HDHD2: variants seen among roughly 807,000 people sequenced by gnomAD.
HDHD2 encodes the protein haloacid dehalogenase like hydrolase domain containing 2.
In HDHD2, 26 loss-of-function variants were observed where a neutral mutation model predicts 24.8. That is an observed-to-expected ratio of 1.05 (90% CI 0.77 to 1.45). The LOEUF (loss-of-function observed/expected upper bound fraction) is 1.45. Ranked by LOEUF, HDHD2 falls within the 40% of genes most tolerant of loss-of-function variation. The pLI, the probability that HDHD2 is intolerant of heterozygous loss-of-function variation, is 0.00. For missense variants in HDHD2, 299 were observed against 313.4 expected, an observed-to-expected ratio of 0.95 and a Z score of 0.35; for synonymous variants, 128 against 114.9, an observed-to-expected ratio of 1.11 and a Z score of -0.73.
At chr18:47,111,551 C>T (rs1330113676) in intron 6 of HDHD2, 1 of 985,266 alleles carries the variant, frequency 1.0e-6, no homozygotes, top group East Asian at 1.1e-4. Context: ...TCATTTCATT[C>T]TTCCTCTTTT....
At chr18:47,133,169 C>G (rs567192157) in intron 3 of HDHD2, among the ~76,000 whole-genome samples, 1 of 150,854 alleles carries the variant, frequency 6.6e-6, no homozygotes. Context: ...CAACAGGCCC[C>G]AGTGTGTGAT....
At chr18:47,136,566 G>A in intron 1 of HDHD2, 117 bp from the exon 2 acceptor site, 1 of 723,780 alleles carries the variant, frequency 1.4e-6, no homozygotes, top group Non-Finnish European at 2.0e-6. Flanking sequence ...GTGTTAAGCT[G>A]CTTCCATTTT....
intron 2 of HDHD2, among the ~76,000 whole-genome samples, chr18:47,135,023 G>A (rs538849014): frequency 5.3e-5 from 8 of 152,172 alleles, no homozygotes; most frequent in Admixed American, 6.5e-5. Context: ...AAGTCCAACC[G>A]TGCAACAGAT....
intron 1 of HDHD2, among the ~76,000 whole-genome samples, chr18:47,147,953 T>C (rs1048788571): frequency 1.3e-5 from 2 of 152,050 alleles, no homozygotes; most frequent in Non-Finnish European, 1.5e-5. Context: ...TTGATCACTA[T>C]GACCTCTCTT....
chr18:47,146,147 T>G (rs1223354116), intron 1 of HDHD2, among the ~76,000 whole-genome samples: 2 of 147,568 alleles, frequency 1.4e-5, no homozygotes, highest in African/African-American at 5.0e-5. Context: ...GAGAATCGCT[T>G]AAACCTGGGA....
intron 3 of HDHD2, among the ~76,000 whole-genome samples, chr18:47,130,721 T>C (rs950846687): frequency 2.6e-5 from 4 of 152,156 alleles, no homozygotes; most frequent in African/African-American, 7.2e-5. Context: ...ATCAGATCGA[T>C]AGCAACTGAT....
chr18:47,119,065 A>G (rs2063581233), intron 4 of HDHD2, among the ~76,000 whole-genome samples: 1 of 152,224 alleles, frequency 6.6e-6, no homozygotes, highest in South Asian at 2.1e-4. Flanking sequence ...AAAATACTTT[A>G]TTGCTGAAAA....
intron 4 of HDHD2, among the ~76,000 whole-genome samples, chr18:47,128,471 G>A (rs2063681524): frequency 6.6e-6 from 1 of 152,182 alleles, no homozygotes; most frequent in Admixed American, 6.5e-5. Context: ...AGGAGCAGAT[G>A]GCATAGTCTC....
chr18:47,108,882 C>G (rs1283032723), intron 6 of HDHD2, 97 bp from the exon 7 acceptor site: 9 of 687,744 alleles, frequency 1.3e-5, no homozygotes, highest in Non-Finnish European at 2.1e-5. Flanking sequence ...ACCACCCTTA[C>G]AGTTAAGACA....
At chr18:47,116,744 C>T (rs1031395967) in intron 4 of HDHD2, among the ~76,000 whole-genome samples, 3 of 152,186 alleles carry the variant, frequency 2.0e-5, no homozygotes, top group Non-Finnish European at 2.9e-5. Flanking sequence ...TCACCCCACC[C>T]CCAAGCCCAC....
intron 4 of HDHD2, among the ~76,000 whole-genome samples, chr18:47,122,074 T>C (rs1383584499): frequency 1.5e-4 from 23 of 152,172 alleles, no homozygotes; most frequent in African/African-American, 2.4e-5. Context: ...TAGAACAGTC[T>C]CCATAATGCC....
At chr18:47,142,663 T>A (rs1386450880) in intron 1 of HDHD2, among the ~76,000 whole-genome samples, 1 of 152,116 alleles carries the variant, frequency 6.6e-6, no homozygotes, top group Non-Finnish European at 1.5e-5. Flanking sequence ...TGTGATTATA[T>A]AAGAATAAGA....
At chr18:47,120,031 T>C (rs538573763) in intron 4 of HDHD2, among the ~76,000 whole-genome samples, 1 of 152,328 alleles carries the variant, frequency 6.6e-6, no homozygotes, top group South Asian at 2.1e-4. Context: ...CAATAAACCA[T>C]GCTGTAAACA....
chr18:47,111,658 G>C, intron 6 of HDHD2: 1 of 985,400 alleles, frequency 1.0e-6, no homozygotes, highest in South Asian at 4.7e-5. Context: ...AGTGACTGGT[G>C]TTACTATCTG....
intron 4 of HDHD2, among the ~76,000 whole-genome samples, chr18:47,118,815 T>A (rs556994986): frequency 1.3e-5 from 2 of 151,568 alleles, no homozygotes; most frequent in South Asian, 2.1e-4. Context: ...ACAGATGAGA[T>A]CATCTGAGAT....
chr18:47,108,778 A>G lies in HDHD2; in HGVS notation c.684T>C (p.Tyr228=), dbSNP rs753565708. 18 of 1,598,970 alleles carry G rather than the reference A, an allele frequency of 1.1e-5. No individual in the cohort carries two copies. In the East Asian group the frequency reaches 1.8e-4, roughly 16 times the overall value. ...TAATTTTTTCTTCATCTGATGCTCG[A>G]TATTTCCCTGAAATGAAAGTAAAGC... is the stretch of plus-strand genomic sequence containing the variant. The part of the protein sequence containing the change: ...MLGILVKTGK[Y]RASDEEKINP... The change falls in exon 7 of 7, where the codon TAT becomes TAC. Residue 228 remains tyrosine (Y), a synonymous_variant. Transcript: ENST00000300605.
In HDHD2 at chr18:47,122,845, C is replaced by A. The variant is rs943691548; in HGVS notation, c.395+7399G>T. Among the ~76,000 whole-genome samples, 28 of 151,972 alleles carry A rather than the reference C, an allele frequency of 1.8e-4. No individual in the cohort carries two copies. In the South Asian group the frequency reaches 2.9e-3, roughly 16 times the overall value. On this transcript the variant is annotated intron_variant, in intron 4 of 6. Transcript: ENST00000300605. ...GAAATGAAAAATTAAAATAGAAGAT[C>A]TAAGACAACTTCAACACTGCTATTT...
chr18:47,128,849 A>C (rs1020410619), intron 4 of HDHD2, among the ~76,000 whole-genome samples: 2 of 152,212 alleles, frequency 1.3e-5, no homozygotes, highest in Non-Finnish European at 2.9e-5. Context: ...ACAGCAAACA[A>C]TGTGCCCAAA....
intron 4 of HDHD2, among the ~76,000 whole-genome samples, chr18:47,119,140 G>A (rs563339855): frequency 1.3e-5 from 2 of 152,314 alleles, no homozygotes; most frequent in East Asian, 3.9e-4. Context: ...GCCTTGCCTC[G>A]ATGTTGATGG....
Sources: gnomAD v4.1 joint callset for allele counts (sites outside exome capture counted in the v4.1 genomes callset) on GRCh38, gnomAD v4.1.1 for gene constraint, MANE v1.5 for transcripts, NCBI Gene and HGNC (gene_info 2026-07-23, HGNC 2026-07-21) for gene names.